The following FMN2 variants were observed in gnomAD, a reference collection of about 807,000 sequenced individuals.
FMN2 encodes the protein formin-2.
FMN2 carries 51 observed loss-of-function variants against 142.3 expected under a neutral mutation model. The ratio of observed to expected loss-of-function variants is 0.36; its 90% CI spans 0.29 to 0.45. FMN2 has a LOEUF of 0.45. Among genes scored for constraint, FMN2 ranks in the 20% least tolerant of loss-of-function variants. The pLI, the probability that FMN2 is intolerant of heterozygous loss-of-function variation, is 1.00. For synonymous variants in FMN2, 882 were observed against 869.8 expected, an observed-to-expected ratio of 1.01 and a Z score of -0.25; for missense variants, 1,936 against 2,122.8, an observed-to-expected ratio of 0.91 and a Z score of 1.73.
intron 2 of FMN2, among the ~76,000 whole-genome samples, chr1:240,177,554 G>T (rs372389075): frequency 1.6e-4 from 24 of 152,144 alleles, no homozygotes; most frequent in African/African-American, 5.8e-4. Flanking sequence ...AATTTTAAAA[G>T]GGATATCATA....
intron 6 of FMN2, among the ~76,000 whole-genome samples, chr1:240,248,001 T>C (rs1283837333): frequency 2.0e-5 from 3 of 152,142 alleles, no homozygotes; most frequent in Non-Finnish European, 4.4e-5. Flanking sequence ...ATATAATACA[T>C]TGTTGTTAAC....
chr1:240,338,948 G>C (rs1365780459), intron 13 of FMN2, among the ~76,000 whole-genome samples: 1 of 152,170 alleles, frequency 6.6e-6, no homozygotes, highest in African/African-American at 2.4e-5. Flanking sequence ...TCAGACATTA[G>C]ATTCTCCTAA....
intron 2 of FMN2, chr1:240,144,404 T>G: frequency 6.2e-7 from 1 of 1,605,700 alleles, no homozygotes; most frequent in South Asian, 1.1e-5. Flanking sequence ...GCTGTTGAGC[T>G]GTACATTGGA....
At chr1:240,289,217 A>C (rs1669691778) in intron 7 of FMN2, among the ~76,000 whole-genome samples, 1 of 152,162 alleles carries the variant, frequency 6.6e-6, no homozygotes, top group Non-Finnish European at 1.5e-5. Context: ...ATGGCTTATG[A>C]AAGGAAGGGG....
At chr1:240,252,129 A>G (rs1288590194) in intron 6 of FMN2, among the ~76,000 whole-genome samples, 1 of 152,030 alleles carries the variant, frequency 6.6e-6, no homozygotes, top group Non-Finnish European at 1.5e-5. Context: ...GGTTGGTCTC[A>G]AACTCCTGAC....
intron 1 of FMN2, among the ~76,000 whole-genome samples, chr1:240,113,574 A>AC (rs1331045141): frequency 2.6e-5 from 4 of 151,420 alleles, no homozygotes; most frequent in African/African-American, 9.7e-5. Context: ...AAAAAAAAAA[A>AC]AAAAATAAGG....
chr1:240,185,880 C>T (rs1052082861), intron 3 of FMN2, among the ~76,000 whole-genome samples: 8 of 152,194 alleles, frequency 5.3e-5, no homozygotes, highest in Admixed American at 1.3e-4. Context: ...GAGAGCGTTC[C>T]GGAGTTTGGA....
At chr1:240,345,066 C>T (rs1302867712) in intron 13 of FMN2, among the ~76,000 whole-genome samples, 1 of 152,136 alleles carries the variant, frequency 6.6e-6, no homozygotes, top group East Asian at 1.9e-4. Flanking sequence ...ATAACTGAGT[C>T]ATTTCTTTTT....
intron 6 of FMN2, among the ~76,000 whole-genome samples, chr1:240,227,981 A>G (rs955705724): frequency 7.9e-5 from 12 of 152,104 alleles, no homozygotes; most frequent in Non-Finnish European, 1.8e-4. Flanking sequence ...CAACTCAATA[A>G]CAACAATAAT....
rs116013257 is a variant in FMN2 at position 240,159,617 on chromosome 1, C to T, written c.1783-18304C>T. Among the ~76,000 whole-genome samples, 444 of 152,104 alleles carry T rather than the reference C, an allele frequency of 2.9e-3. 1 individual carries two copies. Among genetic ancestry groups the T allele is most frequent in the Admixed American group, 7.1e-3 (108 of 15,274 alleles). ...GACCATATCCAACTTGTAGCCATGT[C>T]GGAAAGCCTGTCCACACTATCATTA... On this transcript the variant is annotated intron_variant, in intron 2 of 17. Transcript: ENST00000319653.
At chr1:240,332,248 A>T (rs893439824) in intron 11 of FMN2, among the ~76,000 whole-genome samples, 2 of 143,512 alleles carry the variant, frequency 1.4e-5, no homozygotes, top group African/African-American at 5.4e-5. Context: ...TAGAGAGCTG[A>T]TAAATTACAT....
chr1:240,091,950 G>A lies in FMN2; in HGVS notation c.-160G>A, dbSNP rs1010913983. The A allele has an allele frequency of 1.6e-6, 2 of 1,246,246 alleles. No homozygotes were observed. Among genetic ancestry groups the A allele is most frequent in the East Asian group, 3.1e-5 (1 of 32,084 alleles). 77.2% of individuals were successfully genotyped at this position (1,246,246 alleles called of 1,614,324 possible). ...CATTATGCAAAGCGGCGGCAGATGCGAGCGGGGCCAGCCGGGCGCGCGTCG... is the reference window on the plus strand; with the variant it reads ...CATTATGCAAAGCGGCGGCAGATGCAAGCGGGGCCAGCCGGGCGCGCGTCG... On this transcript the variant is annotated 5_prime_UTR_variant, in exon 1 of 18. Transcript: ENST00000319653.
At chr1:240,298,001 A>G (rs895740528) in intron 8 of FMN2, among the ~76,000 whole-genome samples, 2 of 152,186 alleles carry the variant, frequency 1.3e-5, no homozygotes, top group African/African-American at 2.4e-5. Context: ...CTCTGCTCTC[A>G]TGGCCTAATT....
chr1:240,348,223 CTTTTTTTTTT>C (rs780364990), intron 13 of FMN2, among the ~76,000 whole-genome samples: 35 of 139,302 alleles, frequency 2.5e-4, no homozygotes, highest in African/African-American at 7.7e-4. Flanking sequence ...GTTTTTTTTA[CTTTTTTTTTT>C]TTTTTGGAGA....
chr1:240,311,187 A>T (rs1236663277), intron 8 of FMN2, among the ~76,000 whole-genome samples: 1 of 152,212 alleles, frequency 6.6e-6, no homozygotes, highest in Non-Finnish European at 1.5e-5. Context: ...ATCTTTGCTT[A>T]AAGATTACTA....
chr1:240,265,106 C>G (rs1668755965), intron 7 of FMN2, among the ~76,000 whole-genome samples: 1 of 152,094 alleles, frequency 6.6e-6, no homozygotes, highest in African/African-American at 2.4e-5. Context: ...TCAGAATGCG[C>G]AACATATGCA....
Position 240,228,301 on chromosome 1 carries a change from C to G in FMN2, c.4065+17066C>G, listed in dbSNP as rs547279835. On this transcript the variant is annotated intron_variant, in intron 6 of 17. Coordinates refer to ENST00000319653, the MANE Select transcript of FMN2 (RefSeq NM_020066.5). Reference sequence around the variant, plus strand: ...CTGGGCAACAAGAGTGAAACTCTGTCTCAAAAAAAAAAAAAAAAAAAAAAA... The same window carrying G: ...CTGGGCAACAAGAGTGAAACTCTGTGTCAAAAAAAAAAAAAAAAAAAAAAA... Among the ~76,000 whole-genome samples, 265 of 30,394 alleles carry G rather than the reference C, an allele frequency of 8.7e-3. 1 individual carries two copies. Among genetic ancestry groups the G allele is most frequent in the Non-Finnish European group, 0.013 (170 of 13,262 alleles). 19.9% of individuals were successfully genotyped at this position (30,394 alleles called of 152,430 possible).
At chr1:240,186,819 G>A (rs954577881) in intron 3 of FMN2, among the ~76,000 whole-genome samples, 1 of 152,178 alleles carries the variant, frequency 6.6e-6, no homozygotes, top group Middle Eastern at 3.2e-3. Flanking sequence ...GGTCCCTGTG[G>A]AGACAGATTC....
rs571148012 is a variant in FMN2, at chr1:240,408,420, GA to G, written c.4910+15865del. Among the ~76,000 whole-genome samples, 409 of 152,028 alleles carry G rather than the reference GA, an allele frequency of 2.7e-3. 1 individual carries two copies. The highest frequency in any genetic ancestry group is 8.8e-3 in the African/African-American group (367 of 41,496). On this transcript the variant is annotated intron_variant, in intron 15 of 17. Coordinates refer to ENST00000319653, the MANE Select transcript of FMN2 (RefSeq NM_020066.5). ...ATTAGAAAATAATTTCAATAAACGG[GA>G]AAAAAAGAGGAAATTAGAAAGAGGA...
Sources: gnomAD v4.1 joint callset for allele counts (sites outside exome capture counted in the v4.1 genomes callset) on GRCh38, gnomAD v4.1.1 for gene constraint, MANE v1.5 for transcripts, NCBI Gene and HGNC (gene_info 2026-07-23, HGNC 2026-07-21) for gene names.